Variants in PDGFD observed in about 807,000 individuals in gnomAD.
PDGFD encodes the protein platelet-derived growth factor D.
Under a neutral mutation model 44.7 loss-of-function variants are expected in PDGFD, and 30 were observed. The observed-to-expected ratio is 0.67, with a 90% CI of 0.50 to 0.91. The LOEUF (loss-of-function observed/expected upper bound fraction) is 0.91, where lower values mean the gene tolerates loss of function less well. PDGFD is among the 40% of genes least tolerant of loss of function. The pLI is 0.00. For synonymous variants in PDGFD, 173 were observed against 168.4 expected, an observed-to-expected ratio of 1.03 and a Z score of -0.21; for missense variants, 445 against 457.8, an observed-to-expected ratio of 0.97 and a Z score of 0.25.
At chr11:104,071,636 T>G (rs748101353) in intron 1 of PDGFD, among the ~76,000 whole-genome samples, 1 of 151,898 alleles carries the variant, frequency 6.6e-6, no homozygotes, top group Non-Finnish European at 1.5e-5. Context: ...AATTGCTTTT[T>G]CACATGCAGG....
chr11:104,077,635 A>G (rs1245431073), intron 1 of PDGFD, among the ~76,000 whole-genome samples: 2 of 152,178 alleles, frequency 1.3e-5, no homozygotes, highest in Admixed American at 1.3e-4. Context: ...TACTTCAGGT[A>G]TGCAAAGTTG....
intron 1 of PDGFD, among the ~76,000 whole-genome samples, chr11:104,139,753 A>C (rs1862057394): frequency 1.2e-5 from 1 of 83,488 alleles, no homozygotes. Context: ...CTTAATAAAT[A>C]ACGGCCGGGC....
At chr11:104,056,084 G>T (rs1209107567) in intron 1 of PDGFD, among the ~76,000 whole-genome samples, 3 of 152,090 alleles carry the variant, frequency 2.0e-5, no homozygotes, top group Admixed American at 2.0e-4. Context: ...GCTGTTTTAA[G>T]TTATATAAAA....
At position 104,000,151 on chromosome 11, in the gene PDGFD, G is replaced by C. The variant is rs761203980; in HGVS notation, c.229C>G (p.Leu77Val). ...GAGTGAAGCCGCCATGTCAGGAGCA[G>C]GTTCCTGGGGTAGCTGTTCGGGAAT... ...PRFPNSYPRN[L>V]LLTWRLHSQE... Residue 77 changes from leucine to valine, a missense_variant, in exon 2 of 7, where the codon CTG becomes GTG. Physicochemically the swap from Leu to Val is conservative, Grantham distance 32. Transcript: ENST00000393158. 1 of 1,614,004 alleles carries C rather than the reference G, an allele frequency of 6.2e-7. No individual in the cohort carries two copies. The highest frequency in any genetic ancestry group is 8.5e-7 in the Non-Finnish European group (1 of 1,179,922).
chr11:104,084,587 CT>C (rs1262578944), intron 1 of PDGFD, among the ~76,000 whole-genome samples: 5 of 147,920 alleles, frequency 3.4e-5, no homozygotes, highest in Non-Finnish European at 4.5e-5. Context: ...TTTACACACT[CT>C]TTTTTTAAAA....
chr11:104,090,292 T>C (rs1861193271), intron 1 of PDGFD, among the ~76,000 whole-genome samples: 2 of 148,464 alleles, frequency 1.3e-5, no homozygotes, highest in South Asian at 2.2e-4. Flanking sequence ...ATTCAGCATA[T>C]ATAAGATCTC....
At chr11:104,036,216 GA>G (rs1006682114) in intron 1 of PDGFD, among the ~76,000 whole-genome samples, 4 of 152,056 alleles carry the variant, frequency 2.6e-5, no homozygotes, top group Non-Finnish European at 5.9e-5. Context: ...AAGTGTGGGG[GA>G]TTGCTTGAGC....
chr11:103,945,028 G>T (rs998139801), intron 4 of PDGFD, among the ~76,000 whole-genome samples: 3 of 151,828 alleles, frequency 2.0e-5, no homozygotes, highest in African/African-American at 7.3e-5. Context: ...AACCTTTCCT[G>T]CCATGCTACA....
chr11:104,134,480 C>G (rs963760926), intron 1 of PDGFD, among the ~76,000 whole-genome samples: 35 of 152,106 alleles, frequency 2.3e-4, no homozygotes, highest in Non-Finnish European at 1.8e-4. Context: ...TCAAGTCATA[C>G]AGCTTCAGAA....
chr11:103,991,731 T>C (rs1288001977), intron 3 of PDGFD, among the ~76,000 whole-genome samples: 5 of 152,204 alleles, frequency 3.3e-5, no homozygotes, highest in African/African-American at 4.8e-5. Context: ...CCAGTGATAA[T>C]AATAACAATA....
intron 1 of PDGFD, chr11:104,036,458 T>C: frequency 4.3e-6 from 1 of 232,880 alleles, no homozygotes; most frequent in Non-Finnish European, 8.5e-6. Flanking sequence ...AAAAATGTGT[T>C]GAAATCATTT....
chr11:104,150,656 T>C (rs1267648325), intron 1 of PDGFD, among the ~76,000 whole-genome samples: 1 of 152,166 alleles, frequency 6.6e-6, no homozygotes, highest in African/African-American at 2.4e-5. Context: ...AGCCCATACC[T>C]TTCCTCTTCC....
chr11:104,075,939 T>G (rs1008488834), intron 1 of PDGFD, among the ~76,000 whole-genome samples: 2 of 152,226 alleles, frequency 1.3e-5, no homozygotes, highest in African/African-American at 4.8e-5. Context: ...TTAGGCTTTG[T>G]GTCTCCACCC....
Position 103,943,503 on chromosome 11 carries a change from G to C in PDGFD, c.721C>G (p.Leu241Val). The C allele has an allele frequency of 6.2e-7, 1 of 1,613,276 alleles. No homozygotes were observed. Among genetic ancestry groups the C allele is most frequent in the Non-Finnish European group, 8.5e-7 (1 of 1,179,562 alleles). Residue 241 changes from leucine to valine, a missense_variant, in exon 5 of 7, where the codon CTG (leucine) becomes GTG (valine). Physicochemically the swap from Leu to Val is conservative, Grantham distance 32 (BLOSUM62 1). Coordinates refer to ENST00000393158, the MANE Select transcript of PDGFD (RefSeq NM_025208.5). ...SWQEDLENMY[L>V]DTPRYRGRSY... ...CTGCCTCGATACCGAGGGGTGTCCA[G>C]ATACATATTCTCAAGATCTTCTTGC...
At chr11:104,060,775 A>G (rs1229482688) in intron 1 of PDGFD, among the ~76,000 whole-genome samples, 2 of 152,244 alleles carry the variant, frequency 1.3e-5, no homozygotes, top group Non-Finnish European at 2.9e-5. Context: ...GAAATACCAC[A>G]TAACTCATTC....
At chr11:103,927,902 C>T (rs1180041553) in intron 5 of PDGFD, among the ~76,000 whole-genome samples, 1 of 152,232 alleles carries the variant, frequency 6.6e-6, no homozygotes, top group East Asian at 1.9e-4. Flanking sequence ...GTGCCTGGCA[C>T]TCAATGCCAG....
intron 1 of PDGFD, among the ~76,000 whole-genome samples, chr11:104,077,824 T>C (rs1048951133): frequency 6.6e-6 from 1 of 152,208 alleles, no homozygotes; most frequent in African/African-American, 2.4e-5. Context: ...ATTCAATTAA[T>C]TCAAACTTCA....
At chr11:104,084,776 TAC>T (rs1565330170) in intron 1 of PDGFD, among the ~76,000 whole-genome samples, 2 of 146,168 alleles carry the variant, frequency 1.4e-5, no homozygotes, top group African/African-American at 4.9e-5. Flanking sequence ...TATAAAATTA[TAC>T]ATAAAATAAT....
chr11:104,037,204 T>A (rs369952842), intron 1 of PDGFD: 1 of 1,613,740 alleles, frequency 6.2e-7, no homozygotes, highest in Admixed American at 1.7e-5. Flanking sequence ...GTCACAGGGC[T>A]TGGCGTCAGG....
Sources: allele counts gnomAD v4.1 joint callset (sites outside exome capture counted in the v4.1 genomes callset), GRCh38; gene constraint gnomAD v4.1.1; transcripts MANE v1.5; gene names NCBI Gene and HGNC (gene_info 2026-07-23, HGNC 2026-07-21).